Variants in FRMPD1 observed in about 807,000 individuals in gnomAD.
FRMPD1 encodes FERM and PDZ domain containing 1.
FRMPD1 carries 76 observed loss-of-function variants against 117.8 expected under a neutral mutation model. That is an observed-to-expected ratio of 0.65 (90% confidence interval 0.54 to 0.78). The LOEUF (loss-of-function observed/expected upper bound fraction) is 0.78. Ranked by LOEUF, FRMPD1 falls within the 30% of genes least tolerant of loss-of-function variation. The probability of loss-of-function intolerance (pLI) is 0.00; values close to 1 mark genes in which losing one functional copy is unlikely to be tolerated. For synonymous variants in FRMPD1, 783 were observed against 770.4 expected (o/e 1.02, Z -0.27); for missense variants, 1,786 against 1,964.5 (o/e 0.91, Z 1.72).
chr9:37,691,090 C>T (rs1041369723), intron 1 of FRMPD1, among the ~76,000 whole-genome samples: 7 of 152,200 alleles, frequency 4.6e-5, no homozygotes, highest in Admixed American at 1.3e-4. Flanking sequence ...ATAAAGTACT[C>T]GCTGACAGTA....
At chr9:37,667,406 C>T (rs1228766083) in intron 1 of FRMPD1, among the ~76,000 whole-genome samples, 1 of 151,184 alleles carries the variant, frequency 6.6e-6, no homozygotes, top group East Asian at 2.0e-4. Flanking sequence ...GCCACAATGG[C>T]TCACTCCTGT....
intron 2 of FRMPD1, among the ~76,000 whole-genome samples, chr9:37,701,510 C>CGTGTGTGT (rs58458625): frequency 9.5e-5 from 14 of 146,912 alleles, no homozygotes; most frequent in African/African-American, 3.3e-4. Context: ...TGTGCATGTA[C>CGTGTGTGT]GTGTGTGTGT....
At chr9:37,737,338 C>A in intron 14 of FRMPD1, 95 bp downstream of exon 14, 1 of 1,119,292 alleles carries the variant, frequency 8.9e-7, no homozygotes, top group Non-Finnish European at 1.3e-6. Context: ...TTGAATTGAG[C>A]CGAGGCTTCA....
At chr9:37,607,617 G>A in the FRMPD1 span, among the ~76,000 whole-genome samples, 5 of 152,256 alleles carry the variant, frequency 3.3e-5, no homozygotes, top group South Asian at 4.1e-4. Context: ...TTTTTGGATT[G>A]TTTGAACCAT....
intron 1 of FRMPD1, among the ~76,000 whole-genome samples, chr9:37,692,128 G>C (rs371193320): frequency 6.6e-6 from 1 of 152,164 alleles, no homozygotes; most frequent in African/African-American, 2.4e-5. Context: ...TTATAAGCTA[G>C]TGTTGAATTA....
At chr9:37,731,425 T>A (rs1207780654) in intron 9 of FRMPD1, among the ~76,000 whole-genome samples, 1 of 152,216 alleles carries the variant, frequency 6.6e-6, no homozygotes, top group Non-Finnish European at 1.5e-5. Context: ...CGTTTTAGAA[T>A]GATGACACTG....
At chr9:37,705,502 G>T (rs1822671507) in intron 2 of FRMPD1, among the ~76,000 whole-genome samples, 2 of 152,052 alleles carry the variant, frequency 1.3e-5, no homozygotes, top group African/African-American at 4.8e-5. Flanking sequence ...TTGCCATGTT[G>T]CCCAGGCTGG....
the FRMPD1 span, among the ~76,000 whole-genome samples, chr9:37,639,439 C>T: frequency 3.3e-5 from 5 of 152,130 alleles, no homozygotes; most frequent in East Asian, 1.9e-4. Flanking sequence ...CTGCAGGACA[C>T]CTCAACCCAT....
At chr9:37,654,651 A>T (rs902429292) in intron 1 of FRMPD1, among the ~76,000 whole-genome samples, 1 of 152,204 alleles carries the variant, frequency 6.6e-6, no homozygotes, top group Admixed American at 6.5e-5. Context: ...ATAAAAGTTC[A>T]ATTGAGGGTG....
chr9:37,675,199 G>A (rs1338368193), intron 1 of FRMPD1, among the ~76,000 whole-genome samples: 1 of 152,034 alleles, frequency 6.6e-6, no homozygotes, highest in African/African-American at 2.4e-5. Context: ...GAGGTGGTTG[G>A]ATCACTCTAA....
At position 37,740,838 on chromosome 9, in the gene FRMPD1, A is replaced by G; in HGVS notation, c.2310A>G (p.Glu770=). 6.2e-7 allele frequency: 1 copy of G among 1,614,118 alleles called. No homozygotes were observed. Among genetic ancestry groups the G allele is most frequent in the East Asian group, 2.2e-5 (1 of 44,862 alleles). Residue 770 remains glutamate (E), a synonymous_variant, in exon 15 of 16, where the codon GAA becomes GAG. Transcript: ENST00000377765. The surrounding 1 kb of genome is among the most constrained non-coding windows in gnomAD (Gnocchi z 4.2). The part of the protein sequence containing the change: ...LAFEDGSSDE[E]YYDAADKLTP... ...TTGAGGATGGCAGCTCAGATGAGGA[A>G]TACTATGACGCGGCTGATAAGCTCA...
chr9:37,701,491 G>A (rs1192344988), intron 2 of FRMPD1, among the ~76,000 whole-genome samples: 2 of 66,134 alleles, frequency 3.0e-5, no homozygotes, highest in Admixed American at 1.5e-4. Flanking sequence ...GTGTGTGTGC[G>A]CGCGTGTGTG....
chr9:37,651,731 C>G (rs1409097768), intron 1 of FRMPD1, among the ~76,000 whole-genome samples: 1 of 152,256 alleles, frequency 6.6e-6, no homozygotes, highest in Non-Finnish European at 1.5e-5. Context: ...CTTCTGGTGG[C>G]TCCTCTGCCA....
At chr9:37,735,525 G>A in intron 12 of FRMPD1, 27 bp from the exon 13 acceptor site, 1 of 1,562,306 alleles carries the variant, frequency 6.4e-7, no homozygotes, top group Non-Finnish European at 8.8e-7. Flanking sequence ...TGCGAATGGA[G>A]ACTAATTCCC....
chr9:37,738,241 C>G (rs772198324), intron 14 of FRMPD1, among the ~76,000 whole-genome samples: 106 of 152,274 alleles, frequency 7.0e-4, no homozygotes, highest in Non-Finnish European at 1.2e-3. Flanking sequence ...AGTGTTTCCT[C>G]TATATGGATA....
intron 12 of FRMPD1, among the ~76,000 whole-genome samples, chr9:37,734,534 C>T (rs1380347527): frequency 6.6e-6 from 1 of 151,902 alleles, no homozygotes; most frequent in African/African-American, 2.4e-5. Context: ...AGAGAGCTTT[C>T]CTCCAGCACT....
Position 37,731,052 on chromosome 9 carries a change from C to T in FRMPD1, c.807C>T (p.Pro269=), listed in dbSNP as rs749007030. 4.3e-6 allele frequency: 7 copies of T among 1,613,500 alleles called. No individual in the cohort carries two copies. The Admixed American group carries it at 8.3e-5, about 19-fold the overall frequency. ...GGGTCTGTTTTGTTCCCAAGGACCC[C>T]CTGGACCTCCTGAAAGAAGACCCCG... The part of the protein sequence containing the change: ...LFRVCFVPKD[P]LDLLKEDPVA... Residue 269 remains proline, a synonymous_variant, in exon 9 of 16, where the codon CCC becomes CCT. Transcript: ENST00000377765.
At chr9:37,698,603 C>T (rs1314575564) in intron 2 of FRMPD1, among the ~76,000 whole-genome samples, 1 of 131,554 alleles carries the variant, frequency 7.6e-6, no homozygotes, top group African/African-American at 2.9e-5. Context: ...CCTCTGTTGC[C>T]CAGGCTGGAG....
the FRMPD1 span, chr9:37,637,058 C>G: frequency 3.1e-5 from 48 of 1,546,526 alleles, no homozygotes; most frequent in Non-Finnish European, 4.1e-5. Flanking sequence ...ATGAGCCCCC[C>G]GGTAGTAGCT....
Sources: allele counts gnomAD v4.1 joint callset (sites outside exome capture counted in the v4.1 genomes callset), GRCh38; gene constraint gnomAD v4.1.1; non-coding constraint Gnocchi (gnomAD v3.1); transcripts MANE v1.5; gene names NCBI Gene and HGNC (gene_info 2026-07-23, HGNC 2026-07-21).